ST8SIA6: variants seen among roughly 807,000 people sequenced by gnomAD.
ST8SIA6 encodes ST8 alpha-N-acetyl-neuraminide alpha-2,8-sialyltransferase 6, also known as alpha-2,8-sialyltransferase 8F.
Under a neutral mutation model 33.6 loss-of-function variants are expected in ST8SIA6, and 39 were observed. The ratio of observed to expected loss-of-function variants is 1.16; its 90% confidence interval spans 0.90 to 1.52. The LOEUF is 1.52. Ranked by LOEUF, ST8SIA6 falls within the 40% of genes most tolerant of loss-of-function variation. The pLI, the probability that ST8SIA6 is intolerant of heterozygous loss-of-function variation, is 0.00. For synonymous variants in ST8SIA6, 172 were observed against 167.2 expected, an observed-to-expected ratio of 1.03 and a Z score of -0.22; for missense variants, 441 against 443.8, an observed-to-expected ratio of 0.99 and a Z score of 0.06.
chr10:17,391,996 T>C (rs554113508), intron 2 of ST8SIA6, among the ~76,000 whole-genome samples: 2 of 152,330 alleles, frequency 1.3e-5, no homozygotes, highest in East Asian at 3.9e-4. Context: ...TTAAAAAATA[T>C]ATATGCAACT....
At chr10:17,327,865 C>A (rs1407726541) in intron 5 of ST8SIA6, among the ~76,000 whole-genome samples, 1 of 152,076 alleles carries the variant, frequency 6.6e-6, no homozygotes, top group African/African-American at 2.4e-5. Context: ...CATGATTGCA[C>A]CACTGCCCTC....
At chr10:17,341,939 AAAG>A (rs1484223524) in intron 4 of ST8SIA6, among the ~76,000 whole-genome samples, 43 of 151,400 alleles carry the variant, frequency 2.8e-4, no homozygotes, top group Middle Eastern at 3.4e-3. Context: ...AAAGAAAGAA[AAAG>A]AAAGAAGCTG....
chr10:17,420,274 T>C (rs1230778221), intron 2 of ST8SIA6, among the ~76,000 whole-genome samples: 1 of 151,972 alleles, frequency 6.6e-6, no homozygotes, highest in Non-Finnish European at 1.5e-5. Context: ...TAGCTGGGTG[T>C]GGTGGCGGGC....
In ST8SIA6 at chr10:17,428,592, G is replaced by A. The variant is rs989089494; in HGVS notation, c.200+24967C>T. On this transcript the variant is annotated intron_variant, in intron 2 of 7. Coordinates refer to ENST00000377602, the MANE Select transcript of ST8SIA6 (RefSeq NM_001004470.3). ...GAAGGGCTTCCCGAGGAAAGCAGCC[G>A]CTGAGCTGTGTCTCCAGGGAGGAGC... Among the ~76,000 whole-genome samples the A allele has an allele frequency of 7.9e-5, 12 of 151,962 alleles. No individual in the cohort carries two copies. In the East Asian group the frequency reaches 1.2e-3, roughly 15 times the overall value.
chr10:17,444,585 C>A (rs1158322427), intron 2 of ST8SIA6, among the ~76,000 whole-genome samples: 1 of 152,172 alleles, frequency 6.6e-6, no homozygotes, highest in Non-Finnish European at 1.5e-5. Flanking sequence ...TGAAAAGACA[C>A]CCACAGAAGC....
intron 3 of ST8SIA6, among the ~76,000 whole-genome samples, chr10:17,381,784 G>A (rs192665550): frequency 6.2e-4 from 94 of 152,288 alleles, no homozygotes; most frequent in African/African-American, 1.9e-3. Flanking sequence ...ATTGATATGC[G>A]TTTAATGAAA....
At chr10:17,334,275 C>T (rs1848430380) in intron 4 of ST8SIA6, among the ~76,000 whole-genome samples, 1 of 151,464 alleles carries the variant, frequency 6.6e-6, no homozygotes, top group South Asian at 2.1e-4. Flanking sequence ...CGCGGTGGCT[C>T]ACGCCTGTAA....
intron 4 of ST8SIA6, among the ~76,000 whole-genome samples, chr10:17,358,841 T>C (rs1176447101): frequency 6.6e-6 from 1 of 152,052 alleles, no homozygotes; most frequent in Non-Finnish European, 1.5e-5. Context: ...ACCAGAGCAA[T>C]CTAGACCAAG....
Position 17,454,329 on chromosome 10 carries a change from C to CCCGCCGCCG in ST8SIA6, c.-83_-75dup, listed in dbSNP as rs907653597. 1.2e-5 allele frequency: 2 copies of CCCGCCGCCG among 165,864 alleles called. No homozygotes were observed. The highest frequency in any genetic ancestry group is 2.4e-5 in the African/African-American group (1 of 41,302). 10.3% of individuals were successfully genotyped at this position (165,864 alleles called of 1,614,324 possible). On this transcript the variant is annotated 5_prime_UTR_variant, in exon 1 of 8. Coordinates refer to ENST00000377602, the MANE Select transcript of ST8SIA6 (RefSeq NM_001004470.3). The surrounding 1 kb of genome is among the most constrained non-coding windows in gnomAD (Gnocchi z 4.1). ...GCCCGGGCGGCCCCGACTCGCGGCT[C>CCCGCCGCCG]CCGCCGCCGCCGCCACCGCCGCCGT... is the stretch of plus-strand genomic sequence containing the variant.
chr10:17,427,694 C>T (rs1851981238), intron 2 of ST8SIA6, among the ~76,000 whole-genome samples: 1 of 152,242 alleles, frequency 6.6e-6, no homozygotes, highest in African/African-American at 2.4e-5. Flanking sequence ...TCCTGATATA[C>T]ATGGACATTC....
intron 3 of ST8SIA6, among the ~76,000 whole-genome samples, chr10:17,382,446 A>G (rs893356631): frequency 5.9e-5 from 9 of 152,230 alleles, no homozygotes; most frequent in African/African-American, 2.2e-4. Flanking sequence ...TTGTATTTTT[A>G]GTGGAGACAG....
At chr10:17,451,395 TA>T (rs1458291357) in intron 2 of ST8SIA6, among the ~76,000 whole-genome samples, 1 of 152,100 alleles carries the variant, frequency 6.6e-6, no homozygotes, top group Admixed American at 6.5e-5. Flanking sequence ...TGTGGAATAA[TA>T]AACACTGGAG....
intron 4 of ST8SIA6, among the ~76,000 whole-genome samples, chr10:17,342,903 C>T (rs893327705): frequency 7.2e-5 from 11 of 152,008 alleles, no homozygotes; most frequent in South Asian, 2.1e-4. Context: ...GAGCTGAGAT[C>T]GCGCCACCAT....
At chr10:17,442,025 C>T (rs1180335662) in intron 2 of ST8SIA6, among the ~76,000 whole-genome samples, 11 of 152,064 alleles carry the variant, frequency 7.2e-5, no homozygotes, top group African/African-American at 2.2e-4. Flanking sequence ...CCTGCCGCCA[C>T]GCCTGGCTAA....
intron 2 of ST8SIA6, among the ~76,000 whole-genome samples, chr10:17,403,237 T>C (rs912450748): frequency 1.2e-4 from 19 of 152,354 alleles, no homozygotes; most frequent in African/African-American, 4.3e-4. Context: ...AGATTTGATA[T>C]GGAGATTTAT....
At chr10:17,450,411 GCCCCCTCCCT>G (rs1852863564) in intron 2 of ST8SIA6, among the ~76,000 whole-genome samples, 1 of 152,026 alleles carries the variant, frequency 6.6e-6, no homozygotes, top group African/African-American at 2.4e-5. Flanking sequence ...ATCACCTAAG[GCCCCCTCCCT>G]AATATACCTG....
chr10:17,405,246 C>T (rs1851212716), intron 2 of ST8SIA6, among the ~76,000 whole-genome samples: 1 of 151,950 alleles, frequency 6.6e-6, no homozygotes, highest in Non-Finnish European at 1.5e-5. Context: ...TAGTACCTGC[C>T]TGTAGTCCTA....
rs766845155 is a variant in ST8SIA6, at chr10:17,323,046, G to A, written c.728+19C>T. 1.1e-5 allele frequency: 17 copies of A among 1,598,592 alleles called. No homozygotes were observed. The highest frequency in any genetic ancestry group is 2.2e-5 in the South Asian group (2 of 89,788). ...TGAAAAAGTGTTCCTGATCAGTTAT[G>A]TAACTTGCAGCTACTTACTTCAGAG... On this transcript the variant is annotated intron_variant, in intron 7 of 7. Coordinates refer to ENST00000377602, the MANE Select transcript of ST8SIA6 (RefSeq NM_001004470.3).
At chr10:17,377,894 A>G (rs1849971707) in intron 3 of ST8SIA6, among the ~76,000 whole-genome samples, 1 of 152,188 alleles carries the variant, frequency 6.6e-6, no homozygotes, top group African/African-American at 2.4e-5. Context: ...TAAGTCTGTA[A>G]TAGCACTGAT....
Sources: gnomAD v4.1 joint callset for allele counts (sites outside exome capture counted in the v4.1 genomes callset) on GRCh38, gnomAD v4.1.1 for gene constraint, Gnocchi (gnomAD v3.1) non-coding constraint, MANE v1.5 for transcripts, NCBI Gene and HGNC (gene_info 2026-07-23, HGNC 2026-07-21) for gene names.